TBC1D16: variants seen among roughly 807,000 people sequenced by gnomAD.
The protein encoded by TBC1D16 is CTD-2529O21.1.
In TBC1D16, 58 loss-of-function variants were observed where a neutral mutation model predicts 74.7. That is an observed-to-expected ratio of 0.78 (90% confidence interval 0.63 to 0.97). TBC1D16 has a LOEUF of 0.97. TBC1D16 is among the 50% of genes least tolerant of loss of function. The pLI, the probability that TBC1D16 is intolerant of heterozygous loss-of-function variation, is 0.00. For synonymous variants in TBC1D16, 493 were observed against 474.7 expected (o/e 1.04, Z -0.50); for missense variants, 1,014 against 1,079.5 (o/e 0.94, Z 0.85).
intron 3 of TBC1D16, chr17:79,992,767 T>G (rs2035121376): frequency 6.6e-6 from 1 of 152,438 alleles, no homozygotes; most frequent in Non-Finnish European, 1.5e-5. Context: ...CTTCCAACTC[T>G]GCTCTCACAT....
Position 80,029,389 on chromosome 17 carries a change from G to A in TBC1D16, c.-63+6406C>T, listed in dbSNP as rs113222521. ...TGTTGGGTTGGAGCTGACACAGGGCGCAGCTGTGAGCCTGCTGTTAACCAC... is the reference window on the plus strand; with the variant it reads ...TGTTGGGTTGGAGCTGACACAGGGCACAGCTGTGAGCCTGCTGTTAACCAC... On this transcript the variant is annotated intron_variant, in intron 1 of 11. Coordinates refer to ENST00000310924, the MANE Select transcript of TBC1D16 (RefSeq NM_019020.4). Among the ~76,000 whole-genome samples the A allele has an allele frequency of 9.6e-4, 146 of 152,258 alleles. 1 individual carries two copies. Among genetic ancestry groups the A allele is most frequent in the African/African-American group, 3.1e-3 (129 of 41,554 alleles).
At chr17:79,957,187 T>G (rs1254642111) in intron 3 of TBC1D16, among the ~76,000 whole-genome samples, 1 of 151,880 alleles carries the variant, frequency 6.6e-6, no homozygotes, top group Non-Finnish European at 1.5e-5. Flanking sequence ...GTGTGCTGGG[T>G]TGGGAGAGGA....
intron 3 of TBC1D16, among the ~76,000 whole-genome samples, chr17:79,965,497 A>G (rs1452624075): frequency 1.3e-5 from 2 of 152,226 alleles, no homozygotes; most frequent in East Asian, 3.8e-4. Context: ...CATGGCTACC[A>G]TTTATTGGAG....
Position 80,007,818 on chromosome 17 carries a change from T to C in TBC1D16, c.779+2342A>G, listed in dbSNP as rs1598418645. On this transcript the variant is annotated intron_variant, in intron 3 of 11. Coordinates refer to ENST00000310924, the MANE Select transcript of TBC1D16 (RefSeq NM_019020.4). This position sits in a 1 kb window ranked among gnomAD's most constrained non-coding sequence, Gnocchi z 4.5. ...ACTTGGAGGTGTGCACAGTGGGGGG[T>C]GGGGAGGCAGGCAGCATCGCTCAGC... 6.7e-6 allele frequency among the ~76,000 whole-genome samples: 1 copy of C among 148,658 alleles called. No homozygotes were observed.
rs869274383 is a variant in TBC1D16, at chr17:79,936,939, T to TGTGTGTGTGTGTGTGC, written c.*3919_*3920insGCACACACACACACAC. The TGTGTGTGTGTGTGTGC allele has an allele frequency of 1.3e-5, 2 of 148,840 alleles. No individual in the cohort carries two copies. Among genetic ancestry groups the TGTGTGTGTGTGTGTGC allele is most frequent in the Admixed American group, 6.8e-5 (1 of 14,764 alleles). 9.2% of individuals were successfully genotyped at this position (148,840 alleles called of 1,614,324 possible). ...GTGTGTGTGTGTGTGTGTGTGTGTG[T>TGTGTGTGTGTGTGTGC]GCGCATTTTCCCAGGGGACCTCTCC... On this transcript the variant is annotated 3_prime_UTR_variant, in exon 12 of 12. Transcript: ENST00000310924.
rs144428805 is a variant in TBC1D16, at chr17:80,004,281, C to T, written c.779+5879G>A. On this transcript the variant is annotated intron_variant, in intron 3 of 11. Coordinates refer to ENST00000310924, the MANE Select transcript of TBC1D16 (RefSeq NM_019020.4). Reference sequence around the variant, plus strand: ...CTCATCTGCACCTCAGGCCTCTTCACAGAGTTTAACTGCAACGGGCAGAAT... The same window carrying T: ...CTCATCTGCACCTCAGGCCTCTTCATAGAGTTTAACTGCAACGGGCAGAAT... 9.9e-3 allele frequency among the ~76,000 whole-genome samples: 1,513 copies of T among 152,344 alleles called. 15 individuals carry two copies. Among genetic ancestry groups the T allele is most frequent in the Middle Eastern group, 0.034 (10 of 294 alleles).
Position 79,950,262 on chromosome 17 carries a change from G to T in TBC1D16, c.1257+149C>A. On this transcript the variant is annotated intron_variant, in intron 6 of 11. Coordinates refer to ENST00000310924, the MANE Select transcript of TBC1D16 (RefSeq NM_019020.4). This position sits in a 1 kb window ranked among gnomAD's most constrained non-coding sequence, Gnocchi z 4.6. ...TGATTGCTTTATCGGTGTGTTCACA[G>T]AGAGCCTCACACAAGAAAACGGGGC... 1.2e-6 allele frequency: 1 copy of T among 829,678 alleles called. No individual in the cohort carries two copies. The highest frequency in any genetic ancestry group is 1.7e-5 in the African/African-American group (1 of 58,020). 51.4% of individuals were successfully genotyped at this position (829,678 alleles called of 1,614,324 possible). A position where few individuals can be genotyped will look rare whatever the true frequency, so the allele number is the denominator to read the frequency against.
Position 80,009,296 on chromosome 17 carries a change from C to T in TBC1D16, c.779+864G>A, listed in dbSNP as rs990035930. 3.3e-5 allele frequency among the ~76,000 whole-genome samples: 5 copies of T among 152,214 alleles called. No individual in the cohort carries two copies. Among genetic ancestry groups the T allele is most frequent in the African/African-American group, 4.8e-5 (2 of 41,454 alleles). On this transcript the variant is annotated intron_variant, in intron 3 of 11. Transcript: ENST00000310924. The surrounding 1 kb of genome is among the most constrained non-coding windows in gnomAD (Gnocchi z 5.4). ...ATCTAATGAGCGTAAGGACCACAGC[C>T]GGGGCATAGGAAGGGGCTGTGGAAG...
At chr17:80,006,027 G>A (rs2035661689) in intron 3 of TBC1D16, among the ~76,000 whole-genome samples, 1 of 152,100 alleles carries the variant, frequency 6.6e-6, no homozygotes, top group African/African-American at 2.4e-5. Flanking sequence ...GCCCTCCGGG[G>A]GGACTCAACT....
Position 80,035,371 on chromosome 17 carries a change from G to A in TBC1D16, c.-63+424C>T, listed in dbSNP as rs907815451. Among the ~76,000 whole-genome samples the A allele has an allele frequency of 5.3e-5, 8 of 152,026 alleles. No homozygotes were observed. Among genetic ancestry groups the A allele is most frequent in the African/African-American group, 9.7e-5 (4 of 41,400 alleles). ...GAAAGCTGAGCGCGCGCTGCTGGGG[G>A]GACGCACACTTTGGAGGCTGTGTGG... On this transcript the variant is annotated intron_variant, in intron 1 of 11. Coordinates refer to ENST00000310924, the MANE Select transcript of TBC1D16 (RefSeq NM_019020.4). The surrounding 1 kb of genome is among the most constrained non-coding windows in gnomAD (Gnocchi z 5.3).
intron 9 of TBC1D16, among the ~76,000 whole-genome samples, chr17:79,945,841 C>G (rs1190705418): frequency 6.6e-6 from 1 of 152,240 alleles, no homozygotes; most frequent in East Asian, 1.9e-4. Context: ...CCCCCCGGCC[C>G]AGGTGGAGTT....
Position 79,941,005 on chromosome 17 carries a change from T to G in TBC1D16, c.2158A>C (p.Met720Leu), listed in dbSNP as rs763943378. ...CGSGMWDSGSMPAVECTGHHP... is the reference protein window; with the variant it reads ...CGSGMWDSGSLPAVECTGHHP... ...TGGCCGGTGCACTCCACCGCGGGCA[T>G]GGAGCCGCTGTCCCACATGCCTGAC... The change falls in exon 12 of 12, where the codon ATG (methionine) becomes CTG (leucine). Residue 720 changes from methionine to leucine, a missense_variant. Transcript: ENST00000310924. The surrounding 1 kb of genome is among the most constrained non-coding windows in gnomAD (Gnocchi z 4.3). 6.2e-7 allele frequency: 1 copy of G among 1,608,278 alleles called. No homozygotes were observed. The highest frequency in any genetic ancestry group is 1.1e-5 in the South Asian group (1 of 89,874).
intron 3 of TBC1D16, 123 bp from the exon 4 acceptor site, chr17:79,952,941 C>T (rs1489739272): frequency 2.8e-5 from 31 of 1,107,748 alleles, no homozygotes; most frequent in Admixed American, 1.2e-4. Context: ...CATACAGGCA[C>T]GGCTGAATAT....
At position 79,940,853 on chromosome 17, in the gene TBC1D16, C is replaced by T. The variant is rs374588775; in HGVS notation, c.*6G>A. ...CTCAACCCCTGTCCGGTGTCGGGGG[C>T]CCGACCTATCTGCGGAAGCCGAAGC... On this transcript the variant is annotated 3_prime_UTR_variant, in exon 12 of 12. Transcript: ENST00000310924. This position sits in a 1 kb window ranked among gnomAD's most constrained non-coding sequence, Gnocchi z 5.4. 40 of 1,531,818 alleles carry T rather than the reference C, an allele frequency of 2.6e-5. No homozygotes were observed. The highest frequency in any genetic ancestry group is 3.3e-5 in the Non-Finnish European group (37 of 1,132,118). The allele number at this position is 1,531,818 out of a possible 1,614,324, so 94.9% of individuals were successfully genotyped here. A position where few individuals can be genotyped will look rare whatever the true frequency, so the allele number is the denominator to read the frequency against.
chr17:79,950,948 C>G lies in TBC1D16; in HGVS notation c.1090-370G>C. The G allele has an allele frequency of 8.5e-7, 1 of 1,171,418 alleles. No homozygotes were observed. Among genetic ancestry groups the G allele is most frequent in the Non-Finnish European group, 1.2e-6 (1 of 860,226 alleles). 72.6% of individuals were successfully genotyped at this position (1,171,418 alleles called of 1,614,324 possible). On this transcript the variant is annotated intron_variant, in intron 5 of 11. Transcript: ENST00000310924. The surrounding 1 kb of genome is among the most constrained non-coding windows in gnomAD (Gnocchi z 4.6). ...TACAAAGGGATCGCTGTTCTGCGAG[C>G]AGGGAGCCAGCCTGTCAGATTGCCT...
chr17:79,960,802 A>AC (rs1568590807), intron 3 of TBC1D16, among the ~76,000 whole-genome samples: 2 of 148,636 alleles, frequency 1.3e-5, no homozygotes, highest in South Asian at 2.2e-4. Context: ...AAAAAAAAAA[A>AC]AAAAAAACGA....
At position 79,940,810 on chromosome 17, in the gene TBC1D16, G is replaced by A. The variant is rs562826422; in HGVS notation, c.*49C>T. On this transcript the variant is annotated 3_prime_UTR_variant, in exon 12 of 12. Coordinates refer to ENST00000310924, the MANE Select transcript of TBC1D16 (RefSeq NM_019020.4). The surrounding 1 kb of genome is among the most constrained non-coding windows in gnomAD (Gnocchi z 5.4). ...CAGCCCCACCCCCTCCCGTGCCCAG[G>A]GCCTCTGAGGAGGTCCCCTCAACCC... 5 of 1,465,664 alleles carry A rather than the reference G, an allele frequency of 3.4e-6. No homozygotes were observed. Among genetic ancestry groups the A allele is most frequent in the Admixed American group, 4.8e-5 (2 of 41,882 alleles). The allele number at this position is 1,465,664 out of a possible 1,614,324, so 90.8% of individuals were successfully genotyped here.
intron 3 of TBC1D16, among the ~76,000 whole-genome samples, chr17:79,976,166 C>T (rs1023325419): frequency 6.6e-6 from 1 of 152,206 alleles, no homozygotes; most frequent in Admixed American, 6.5e-5. Context: ...AGTGATTACT[C>T]TAAAAGCTTA....
intron 3 of TBC1D16, among the ~76,000 whole-genome samples, chr17:80,006,270 C>T (rs1301616191): frequency 2.6e-5 from 4 of 152,134 alleles, no homozygotes; most frequent in Admixed American, 2.0e-4. Flanking sequence ...AGCAGGGGTT[C>T]TCAACGCTAC....
Sources: allele counts gnomAD v4.1 joint callset (sites outside exome capture counted in the v4.1 genomes callset), GRCh38; gene constraint gnomAD v4.1.1; non-coding constraint Gnocchi (gnomAD v3.1); transcripts MANE v1.5; gene names NCBI Gene and HGNC (gene_info 2026-07-23, HGNC 2026-07-21).